Variants in GNAQ observed in about 807,000 individuals in gnomAD.
GNAQ encodes the protein guanine nucleotide-binding protein G(q) subunit alpha.
A neutral mutation model predicts 43.9 loss-of-function variants in GNAQ; 8 were observed. The observed-to-expected ratio is 0.18, with a 90% CI of 0.11 to 0.33. The LOEUF is 0.33. Among genes scored for constraint, GNAQ ranks in the 10% least tolerant of loss-of-function variants. GNAQ has a pLI of 1.00. For synonymous variants in GNAQ, 155 were observed against 170.7 expected (o/e 0.91, Z 0.71); for missense variants, 158 against 450.8 (o/e 0.35, Z 5.88).
chr9:77,760,816 A>G (rs1255053166), intron 5 of GNAQ, among the ~76,000 whole-genome samples: 2 of 147,640 alleles, frequency 1.4e-5, no homozygotes, highest in Non-Finnish European at 3.0e-5. Flanking sequence ...GTCTCTGCCC[A>G]GCCGCCCATC....
rs528606113 is a variant in GNAQ, at chr9:77,759,546, G to A, written c.736-30879C>T. 9.8e-5 allele frequency among the ~76,000 whole-genome samples: 15 copies of A among 152,288 alleles called. No homozygotes were observed. The South Asian group carries it at 3.1e-3, about 32-fold the overall frequency. On this transcript the variant is annotated intron_variant, in intron 5 of 6. Coordinates refer to ENST00000286548, the MANE Select transcript of GNAQ (RefSeq NM_002072.5). ...TCCTTCATCAACAACTACAGCACGT[G>A]ACTCTAAGTACTGCTCCCTCTACTG...
chr9:77,841,494 A>C lies in GNAQ; in HGVS notation c.322-25724T>G, dbSNP rs191552980. On this transcript the variant is annotated intron_variant, in intron 2 of 6. Transcript: ENST00000286548. ...TTCTCACAATAAATTGGACAAAATCACTGCAATTTGGTATAAATGTTCCTT... is the reference window on the plus strand; with the variant it reads ...TTCTCACAATAAATTGGACAAAATCCCTGCAATTTGGTATAAATGTTCCTT... Among the ~76,000 whole-genome samples the C allele has an allele frequency of 4.6e-5, 7 of 152,314 alleles. No individual in the cohort carries two copies. The East Asian group carries it at 1.4e-3, about 29-fold the overall frequency.
intron 1 of GNAQ, among the ~76,000 whole-genome samples, chr9:77,948,444 A>G (rs960999122): frequency 6.6e-5 from 10 of 152,156 alleles, no homozygotes; most frequent in African/African-American, 2.4e-4. Context: ...CTGAGGCCTG[A>G]CACGGGACTA....
chr9:77,899,528 G>A (rs1828561296), intron 2 of GNAQ, among the ~76,000 whole-genome samples: 1 of 149,030 alleles, frequency 6.7e-6, no homozygotes, highest in Non-Finnish European at 1.5e-5. Flanking sequence ...AGAGACACAG[G>A]CATTATTCAA....
intron 5 of GNAQ, among the ~76,000 whole-genome samples, chr9:77,773,826 G>A (rs1387736791): frequency 6.6e-6 from 1 of 152,152 alleles, no homozygotes; most frequent in African/African-American, 2.4e-5. Context: ...ACTGCCCCTG[G>A]ATCTTAATCT....
rs550190241 is a variant in GNAQ, at chr9:77,985,247, A to G, written c.136+45853T>C. 4.9e-3 allele frequency among the ~76,000 whole-genome samples: 744 copies of G among 152,310 alleles called. 8 individuals are homozygous for G. The highest frequency in any genetic ancestry group is 0.017 in the African/African-American group (717 of 41,562). On this transcript the variant is annotated intron_variant, in intron 1 of 6. Coordinates refer to ENST00000286548, the MANE Select transcript of GNAQ (RefSeq NM_002072.5). ...AGAATGGCATGAACCCAGGAGGCGG[A>G]GCTTGCAGTGAGCTGAGATCTCGCC...
At chr9:77,983,239 G>A (rs758193708) in intron 1 of GNAQ, among the ~76,000 whole-genome samples, 2 of 152,204 alleles carry the variant, frequency 1.3e-5, no homozygotes, top group African/African-American at 4.8e-5. Flanking sequence ...TACATAGTAT[G>A]TATCTGTGGA....
chr9:77,756,438 G>C (rs141892948), intron 5 of GNAQ, among the ~76,000 whole-genome samples: 209 of 152,308 alleles, frequency 1.4e-3, no homozygotes, highest in African/African-American at 4.6e-3. Context: ...TTGTCCTCTA[G>C]GAGAATTATA....
At chr9:77,887,114 T>C (rs1156266038) in intron 2 of GNAQ, among the ~76,000 whole-genome samples, 1 of 151,938 alleles carries the variant, frequency 6.6e-6, no homozygotes, top group Non-Finnish European at 1.5e-5. Flanking sequence ...ACAGAGAGAC[T>C]CTGTCTCTAA....
At chr9:77,740,362 G>A (rs1042588620) in intron 5 of GNAQ, among the ~76,000 whole-genome samples, 1 of 152,062 alleles carries the variant, frequency 6.6e-6, no homozygotes, top group African/African-American at 2.4e-5. Context: ...TCTTCCCTTT[G>A]TCTACCCACC....
intron 1 of GNAQ, among the ~76,000 whole-genome samples, chr9:77,970,109 C>A (rs974914899): frequency 6.6e-6 from 1 of 152,040 alleles, no homozygotes; most frequent in Non-Finnish European, 1.5e-5. Context: ...ATCCCAGCTA[C>A]TTGGGAGGCT....
chr9:77,812,524 A>G (rs938329998), intron 3 of GNAQ, among the ~76,000 whole-genome samples: 5 of 152,216 alleles, frequency 3.3e-5, no homozygotes, highest in African/African-American at 1.2e-4. Context: ...ATCTAGGCCA[A>G]TCTCTTGAAT....
At chr9:78,012,719 T>C (rs1282884915) in intron 1 of GNAQ, among the ~76,000 whole-genome samples, 1 of 152,148 alleles carries the variant, frequency 6.6e-6, no homozygotes, top group Non-Finnish European at 1.5e-5. Context: ...CACAAATATA[T>C]ATATACATAT....
intron 2 of GNAQ, among the ~76,000 whole-genome samples, chr9:77,842,490 AAAC>A (rs1827508147): frequency 1.3e-5 from 2 of 152,214 alleles, no homozygotes; most frequent in South Asian, 2.1e-4. Context: ...TAGGAATGAA[AAAC>A]AACATTGTTT....
chr9:77,852,964 T>C (rs982968308), intron 2 of GNAQ, among the ~76,000 whole-genome samples: 2 of 152,196 alleles, frequency 1.3e-5, no homozygotes, highest in South Asian at 2.1e-4. Flanking sequence ...TACAGAATAA[T>C]GGTTCTCTCA....
chr9:77,994,932 A>G (rs1275703211), intron 1 of GNAQ, among the ~76,000 whole-genome samples: 1 of 152,222 alleles, frequency 6.6e-6, no homozygotes, highest in Non-Finnish European at 1.5e-5. Flanking sequence ...TTAATAGTAA[A>G]AAGTGTCACT....
At chr9:77,821,376 A>T (rs1447260650) in intron 2 of GNAQ, among the ~76,000 whole-genome samples, 1 of 151,186 alleles carries the variant, frequency 6.6e-6, no homozygotes, top group Non-Finnish European at 1.5e-5. Flanking sequence ...TTTAAAATAT[A>T]TTTTTTTTTC....
At chr9:77,914,167 AG>A (rs1240812360) in intron 2 of GNAQ, among the ~76,000 whole-genome samples, 1 of 152,228 alleles carries the variant, frequency 6.6e-6, no homozygotes, top group Non-Finnish European at 1.5e-5. Flanking sequence ...AAATGTGGCT[AG>A]GAAGTATCTG....
At chr9:77,757,787 T>C (rs758254231) in intron 5 of GNAQ, among the ~76,000 whole-genome samples, 3 of 152,178 alleles carry the variant, frequency 2.0e-5, no homozygotes, top group Admixed American at 6.5e-5. Context: ...AAACCTCCCA[T>C]TGGTATATCA....
Sources: allele counts gnomAD v4.1 joint callset (sites outside exome capture counted in the v4.1 genomes callset), GRCh38; gene constraint gnomAD v4.1.1; transcripts MANE v1.5; gene names NCBI Gene and HGNC (gene_info 2026-07-23, HGNC 2026-07-21).